PAWR: variants seen among roughly 807,000 people sequenced by gnomAD.
The protein encoded by PAWR is PRKC apoptosis WT1 regulator protein.
Under a neutral mutation model 32.0 loss-of-function variants are expected in PAWR, and 23 were observed. That is an observed-to-expected ratio of 0.72 (90% CI 0.52 to 1.02). The LOEUF is 1.02. Among genes scored for constraint, PAWR ranks in the 50% least tolerant of loss-of-function variants. The pLI, the probability that PAWR is intolerant of heterozygous loss-of-function variation, is 0.00. For synonymous variants in PAWR, 226 were observed against 187.1 expected (o/e 1.21, Z -1.70); for missense variants, 457 against 437.7 (o/e 1.04, Z -0.39).
At chr12:79,648,397 C>T (rs1182872158) in intron 2 of PAWR, among the ~76,000 whole-genome samples, 5 of 151,964 alleles carry the variant, frequency 3.3e-5, no homozygotes, top group African/African-American at 1.2e-4. Context: ...ATTTAAGTGG[C>T]CACATTTCCA....
In PAWR at chr12:79,634,340, T is replaced by C. The variant is rs1875857525; in HGVS notation, c.517-13133A>G. Among the ~76,000 whole-genome samples, 3 of 152,238 alleles carry C rather than the reference T, an allele frequency of 2.0e-5. No homozygotes were observed. The South Asian group carries it at 6.2e-4, about 32-fold the overall frequency. On this transcript the variant is annotated intron_variant, in intron 2 of 6. Coordinates refer to ENST00000328827, the MANE Select transcript of PAWR (RefSeq NM_002583.4). Reference sequence around the variant, plus strand: ...TAAAGTGGGTGTTAGATTTCACAACTACAAGACAAGAACTCAGATTTTAGA... The same window carrying C: ...TAAAGTGGGTGTTAGATTTCACAACCACAAGACAAGAACTCAGATTTTAGA...
Position 79,596,566 on chromosome 12 carries a change from G to T in PAWR, c.776C>A (p.Ser259Ter). 6.3e-7 allele frequency: 1 copy of T among 1,597,992 alleles called. No individual in the cohort carries two copies. The highest frequency in any genetic ancestry group is 8.6e-7 in the Non-Finnish European group (1 of 1,167,308). The change falls in exon 5 of 7, where the codon TCA becomes TAA. Residue 259 changes from serine to a stop codon, truncating the protein, a stop_gained. Coordinates refer to ENST00000328827, the MANE Select transcript of PAWR (RefSeq NM_002583.4). LOFTEE classifies it high-confidence loss of function. ...FPRYNRDANV[S>*]GTLVSSSTLE... Reference sequence around the variant, plus strand: ...TGTGCTACTTGAAACCAGAGTACCTGAAACATTTGCATCCCTGTTATATCT... The same window carrying T: ...TGTGCTACTTGAAACCAGAGTACCTTAAACATTTGCATCCCTGTTATATCT...
At chr12:79,662,913 AT>A (rs947175666) in intron 2 of PAWR, among the ~76,000 whole-genome samples, 1 of 152,228 alleles carries the variant, frequency 6.6e-6, no homozygotes, top group African/African-American at 2.4e-5. Flanking sequence ...ACATGTTGTC[AT>A]TAAAAACAAA....
At position 79,627,559 on chromosome 12, in the gene PAWR, T is replaced by TA. The variant is rs563840861; in HGVS notation, c.517-6353dup. 4.1e-3 allele frequency among the ~76,000 whole-genome samples: 624 copies of TA among 152,286 alleles called. 12 individuals carry two copies. Among genetic ancestry groups the TA allele is most frequent in the African/African-American group, 0.014 (592 of 41,554 alleles). Reference sequence around the variant, plus strand: ...GTAGGTTGCCTGTTCACTCTGATGGTAGTTTCTTTTGCTGTGCAGAAGCTC... The same window carrying TA: ...GTAGGTTGCCTGTTCACTCTGATGGTAAGTTTCTTTTGCTGTGCAGAAGCTC... On this transcript the variant is annotated intron_variant, in intron 2 of 6. Transcript: ENST00000328827.
chr12:79,654,342 T>C (rs1876994111), intron 2 of PAWR, among the ~76,000 whole-genome samples: 1 of 152,154 alleles, frequency 6.6e-6, no homozygotes, highest in Non-Finnish European at 1.5e-5. Flanking sequence ...GATCAATAAA[T>C]TTTAAAATGG....
At chr12:79,639,881 T>TTCCCATTCCATTCCATTCC (rs1876215099) in intron 2 of PAWR, among the ~76,000 whole-genome samples, 2 of 112,502 alleles carry the variant, frequency 1.8e-5, no homozygotes, top group African/African-American at 1.0e-4. Flanking sequence ...TTCCTATTCC[T>TTCCCATTCCATTCCATTCC]ATTCCATTCC....
At chr12:79,605,720 C>T (rs958574963) in intron 4 of PAWR, among the ~76,000 whole-genome samples, 2 of 152,064 alleles carry the variant, frequency 1.3e-5, no homozygotes, top group African/African-American at 4.8e-5. Context: ...GTATATCCTG[C>T]AAACTTCAAT....
intron 2 of PAWR, among the ~76,000 whole-genome samples, chr12:79,681,032 T>A (rs555399588): frequency 1.3e-5 from 2 of 151,056 alleles, no homozygotes; most frequent in Non-Finnish European, 1.5e-5. Flanking sequence ...GGAGGATCTC[T>A]TGAACTCAGG....
chr12:79,654,243 A>G (rs887496712), intron 2 of PAWR, among the ~76,000 whole-genome samples: 3 of 152,208 alleles, frequency 2.0e-5, no homozygotes, highest in African/African-American at 7.2e-5. Context: ...TCAAAGCACC[A>G]GCAAAGTGTG....
At position 79,607,741 on chromosome 12, in the gene PAWR, A is replaced by ATAAT. The variant is rs777332663; in HGVS notation, c.683+5833_683+5834insATTA. ...GAGACCTTGTCTCAAAAAAAAAAAA[A>ATAAT]AAAATAATAATAATAATAATAATCT... On this transcript the variant is annotated intron_variant, in intron 4 of 6. Transcript: ENST00000328827. Among the ~76,000 whole-genome samples the ATAAT allele has an allele frequency of 4.1e-3, 600 of 145,934 alleles. 12 individuals are homozygous for ATAAT. Among genetic ancestry groups the ATAAT allele is most frequent in the African/African-American group, 0.014 (569 of 39,726 alleles).
intron 4 of PAWR, among the ~76,000 whole-genome samples, chr12:79,606,724 A>G (rs1874200534): frequency 1.3e-5 from 2 of 152,184 alleles, no homozygotes; most frequent in African/African-American, 4.8e-5. Context: ...TACCCATGCT[A>G]GGCAAATTAA....
intron 2 of PAWR, among the ~76,000 whole-genome samples, chr12:79,686,832 T>C (rs1232740704): frequency 6.6e-6 from 1 of 152,220 alleles, no homozygotes; most frequent in Non-Finnish European, 1.5e-5. Context: ...ACATGCTTCA[T>C]TAAGATGGCT....
In PAWR at chr12:79,689,764, G is replaced by A; in HGVS notation, c.481C>T (p.Arg161Cys). Residue 161 changes from arginine (R) to cysteine (C), a missense_variant, in exon 2 of 7, where the codon CGC becomes TGC. By Grantham distance (180) the Arg-to-Cys change is radical (BLOSUM62 -3). Transcript: ENST00000328827. Reference protein sequence around the residue: ...IEKRKLREKRRSTGVVNIPAA... With the variant: ...IEKRKLREKRCSTGVVNIPAA... ...GGGATGTTGACCACGCCGGTGGAGC[G>A]CCGCTTCTCCCGCAGCTTCCTCTTC... The A allele has an allele frequency of 6.3e-7, 1 of 1,580,074 alleles. No individual in the cohort carries two copies.
intron 2 of PAWR, among the ~76,000 whole-genome samples, chr12:79,640,204 T>C (rs1275871300): frequency 6.6e-6 from 1 of 151,930 alleles, no homozygotes; most frequent in African/African-American, 2.4e-5. Context: ...TGCCTGGCCA[T>C]AAATCTATTT....
At position 79,644,387 on chromosome 12, in the gene PAWR, C is replaced by T. The variant is rs190501717; in HGVS notation, c.517-23180G>A. 3.3e-5 allele frequency among the ~76,000 whole-genome samples: 5 copies of T among 152,246 alleles called. No individual in the cohort carries two copies. The East Asian group carries it at 9.7e-4, about 29-fold the overall frequency. ...AGTTTGCATCAAATTATATGCCTAA[C>T]AATTACAACCATGAAGTATTCATTT... On this transcript the variant is annotated intron_variant, in intron 2 of 6. Transcript: ENST00000328827.
At chr12:79,650,684 T>C (rs1476473735) in intron 2 of PAWR, among the ~76,000 whole-genome samples, 4 of 147,502 alleles carry the variant, frequency 2.7e-5, no homozygotes, top group African/African-American at 1.0e-4. Flanking sequence ...AAACTTTCCT[T>C]ACTCAAGTTC....
intron 2 of PAWR, chr12:79,635,740 T>C (rs1310049529): frequency 6.6e-6 from 1 of 152,198 alleles, no homozygotes; most frequent in Non-Finnish European, 1.5e-5. Flanking sequence ...CATAATTTTA[T>C]CTGTCCAAAA....
chr12:79,638,790 GGTGTGTGTGTGTGT>G (rs34039182), intron 2 of PAWR, among the ~76,000 whole-genome samples: 19 of 105,272 alleles, frequency 1.8e-4, no homozygotes, highest in Non-Finnish European at 3.1e-4. Context: ...TTATATTTGG[GGTGTGTGTGTGTGT>G]GTGTGTGTGT....
chr12:79,676,028 G>GAA (rs543263304), intron 2 of PAWR, among the ~76,000 whole-genome samples: 1 of 141,974 alleles, frequency 7.0e-6, no homozygotes. Flanking sequence ...GGAAACAGAG[G>GAA]AAAAAAAAAA....
Sources: allele counts gnomAD v4.1 joint callset (sites outside exome capture counted in the v4.1 genomes callset), GRCh38; gene constraint gnomAD v4.1.1; transcripts MANE v1.5; gene names NCBI Gene and HGNC (gene_info 2026-07-23, HGNC 2026-07-21).